The following QTGAL variants were observed in gnomAD, a reference collection of about 807,000 sequenced individuals.
The protein encoded by QTGAL is BGnT-like protein 1.
the QTGAL span, chr17:82,960,960 C>A: frequency 2.7e-6 from 4 of 1,459,478 alleles, no homozygotes; most frequent in Non-Finnish European, 3.7e-6. Context: ...CTGACCACAG[C>A]CTCTGGGGTC....
chr17:82,958,514 T>TGCTGCC, the QTGAL span, among the ~76,000 whole-genome samples: 1 of 152,178 alleles, frequency 6.6e-6, no homozygotes, highest in Admixed American at 6.5e-5. Context: ...ACGATTCTGC[T>TGCTGCC]GCTGCCTCCG....
At chr17:82,970,654 C>CGCGACCTCCCCACCCAGCGTGGCT in the QTGAL span, among the ~76,000 whole-genome samples, 1 of 138,218 alleles carries the variant, frequency 7.2e-6, no homozygotes, top group Non-Finnish European at 1.6e-5. Flanking sequence ...CCGGTGTGGC[C>CGCGACCTCCCCACCCAGCGTGGCT]GCGACCTCCG....
the QTGAL span, among the ~76,000 whole-genome samples, chr17:82,988,100 G>T: frequency 6.6e-6 from 1 of 152,182 alleles, no homozygotes; most frequent in African/African-American, 2.4e-5. Flanking sequence ...AGGAATGCTT[G>T]TGATTTTTGC....
chr17:82,964,032 G>GGGC, the QTGAL span, among the ~76,000 whole-genome samples: 8 of 151,026 alleles, frequency 5.3e-5, no homozygotes, highest in African/African-American at 2.0e-4. Flanking sequence ...TGAGGTCGGG[G>GGGC]GGGTGGATTG....
chr17:83,026,652 C>A, the QTGAL span, among the ~76,000 whole-genome samples: 3 of 149,750 alleles, frequency 2.0e-5, no homozygotes, highest in African/African-American at 7.4e-5. Context: ...GACAAACCCA[C>A]CCTCGACAGA....
the QTGAL span, among the ~76,000 whole-genome samples, chr17:82,983,091 C>T: frequency 6.6e-5 from 10 of 152,088 alleles, no homozygotes; most frequent in Non-Finnish European, 1.0e-4. Context: ...GACCAGCCTG[C>T]CCAACATGCT....
At chr17:83,047,157 A>C in the QTGAL span, among the ~76,000 whole-genome samples, 136 of 152,344 alleles carry the variant, frequency 8.9e-4, no homozygotes, top group African/African-American at 3.2e-3. Context: ...ACGCTCCAGC[A>C]GATTCAGTGT....
At chr17:83,002,275 C>T in the QTGAL span, among the ~76,000 whole-genome samples, 1 of 152,210 alleles carries the variant, frequency 6.6e-6, no homozygotes, top group African/African-American at 2.4e-5. Flanking sequence ...AACCCGCTCT[C>T]GGTGACAGCG....
the QTGAL span, among the ~76,000 whole-genome samples, chr17:82,999,441 TA>T: frequency 1.3e-5 from 2 of 152,198 alleles, no homozygotes; most frequent in Non-Finnish European, 2.9e-5. Flanking sequence ...ATGTGGGGGT[TA>T]GGGGTGCTGA....
the QTGAL span, among the ~76,000 whole-genome samples, chr17:83,031,337 G>C: frequency 6.7e-6 from 1 of 150,150 alleles, no homozygotes; most frequent in East Asian, 2.0e-4. Flanking sequence ...GAGCACCCAC[G>C]GGTCCCTCGC....
chr17:82,995,616 C>T, the QTGAL span, among the ~76,000 whole-genome samples: 16 of 152,120 alleles, frequency 1.1e-4, no homozygotes, highest in African/African-American at 3.9e-4. Flanking sequence ...ATCTCCTGAC[C>T]TCATGATCCA....
chr17:82,945,437 C>T, the QTGAL span: 1 of 152,176 alleles, frequency 6.6e-6, no homozygotes, highest in African/African-American at 2.4e-5. Flanking sequence ...GTAAGAAGGA[C>T]AGAGTGATAT....
At chr17:83,007,150 C>T in the QTGAL span, 5 of 906,616 alleles carry the variant, frequency 5.5e-6, no homozygotes, top group Non-Finnish European at 6.6e-6. Context: ...TTGGAACAAA[C>T]GTGCTCGGCC....
At chr17:83,023,237 A>G in the QTGAL span, among the ~76,000 whole-genome samples, 91 of 88,424 alleles carry the variant, frequency 1.0e-3, no homozygotes, top group Non-Finnish European at 1.5e-3. Flanking sequence ...CACCTGCACC[A>G]GCGTGAACTC....
the QTGAL span, among the ~76,000 whole-genome samples, chr17:83,026,530 G>GGGC: frequency 6.6e-6 from 1 of 151,060 alleles, no homozygotes; most frequent in African/African-American, 2.4e-5. Flanking sequence ...ACACAGAGCG[G>GGGC]AGTGGGGAGC....
chr17:83,036,041 G>C, the QTGAL span, among the ~76,000 whole-genome samples: 5 of 152,200 alleles, frequency 3.3e-5, no homozygotes. Flanking sequence ...CACCAGAGTG[G>C]GTGCACATCC....
the QTGAL span, chr17:82,957,263 C>T: frequency 3.1e-6 from 5 of 1,614,042 alleles, no homozygotes; most frequent in Non-Finnish European, 4.2e-6. Context: ...GGGACAAGCA[C>T]AGAAGGGCAG....
chr17:83,046,389 G>A, the QTGAL span, among the ~76,000 whole-genome samples: 107 of 152,264 alleles, frequency 7.0e-4, no homozygotes, highest in Admixed American at 1.7e-3. Context: ...CACCCGTCTC[G>A]GCCTCCCGAA....
chr17:82,955,696 C>T, the QTGAL span, among the ~76,000 whole-genome samples: 336 of 152,212 alleles, frequency 2.2e-3, no homozygotes, highest in Non-Finnish European at 3.0e-3. Flanking sequence ...GATACATGCA[C>T]GCATATGTTT....
Sources: allele counts gnomAD v4.1 joint callset (sites outside exome capture counted in the v4.1 genomes callset), GRCh38; gene constraint gnomAD v4.1.1; transcripts MANE v1.5; gene names NCBI Gene and HGNC (gene_info 2026-07-23, HGNC 2026-07-21).